Variants in TTC39B observed in about 807,000 individuals in gnomAD.
TTC39B encodes tetratricopeptide repeat domain 39B.
In TTC39B, 92 loss-of-function variants were observed where a neutral mutation model predicts 96.6. That is an observed-to-expected ratio of 0.95 (90% confidence interval 0.80 to 1.13). TTC39B has a LOEUF of 1.13. Ranked by LOEUF, TTC39B falls within the 50% of genes most tolerant of loss-of-function variation. The probability of loss-of-function intolerance (pLI) is 0.00; values close to 1 mark genes in which losing one functional copy is unlikely to be tolerated. For missense variants in TTC39B, 955 were observed against 809.3 expected (o/e 1.18, Z -2.18); for synonymous variants, 367 against 299.4 (o/e 1.23, Z -2.33).
At chr9:15,214,315 AGTGTGTGTGTGTGTGTGTGTGTGTGT>A in intron 3 of TTC39B, 66 bp from the exon 4 acceptor site, 1 of 729,130 alleles carries the variant, frequency 1.4e-6, no homozygotes, top group South Asian at 1.8e-5. Flanking sequence ...GTCCGAAGGG[AGTGTGTGTGTGTGTGTGTGTGTGTGT>A]GTGTGTCTGT....
chr9:15,279,311 G>A (rs1031536979), intron 1 of TTC39B, among the ~76,000 whole-genome samples: 1 of 152,190 alleles, frequency 6.6e-6, no homozygotes, highest in Non-Finnish European at 1.5e-5. Flanking sequence ...CAAAATAAAT[G>A]TCTCAAAAAG....
At chr9:15,277,747 C>T (rs1426174781) in intron 1 of TTC39B, among the ~76,000 whole-genome samples, 2 of 152,324 alleles carry the variant, frequency 1.3e-5, no homozygotes, top group East Asian at 3.9e-4. Flanking sequence ...AGACAGTGTT[C>T]GCCCATCACA....
At chr9:15,284,807 G>C (rs967631860) in intron 1 of TTC39B, among the ~76,000 whole-genome samples, 2 of 151,956 alleles carry the variant, frequency 1.3e-5, no homozygotes, top group African/African-American at 2.4e-5. Flanking sequence ...TTTACAGTGA[G>C]AATAATTTTA....
intron 1 of TTC39B, among the ~76,000 whole-genome samples, chr9:15,270,449 C>T (rs1480164331): frequency 6.6e-6 from 1 of 152,056 alleles, no homozygotes; most frequent in Non-Finnish European, 1.5e-5. Flanking sequence ...CTCCTGGGAG[C>T]CTTCTGTGCC....
At chr9:15,184,270 C>A (rs750125758) in intron 16 of TTC39B, among the ~76,000 whole-genome samples, 1 of 151,872 alleles carries the variant, frequency 6.6e-6, no homozygotes, top group African/African-American at 2.4e-5. Context: ...TATATATTCC[C>A]TTGAACCAGG....
intron 19 of TTC39B, 120 bp from the exon 20 acceptor site, chr9:15,172,229 T>C: frequency 1.9e-6 from 1 of 520,582 alleles, no homozygotes; most frequent in Non-Finnish European, 3.2e-6. Flanking sequence ...TACATAACCG[T>C]AGATCTTAGT....
intron 1 of TTC39B, among the ~76,000 whole-genome samples, chr9:15,287,945 C>CAAAAAAAAAAAAA (rs762069142): frequency 2.9e-5 from 2 of 68,952 alleles, no homozygotes; most frequent in Non-Finnish European, 2.6e-5. Context: ...GACTCCATCT[C>CAAAAAAAAAAAAA]AAAAAAAAAA....
chr9:15,234,196 G>A (rs903627354), intron 2 of TTC39B, among the ~76,000 whole-genome samples: 1 of 149,696 alleles, frequency 6.7e-6, no homozygotes, highest in Admixed American at 6.6e-5. Context: ...CCTCCATCCG[G>A]CAGCCACCCC....
intron 2 of TTC39B, among the ~76,000 whole-genome samples, chr9:15,248,520 C>T (rs1273140852): frequency 1.3e-5 from 2 of 152,138 alleles, no homozygotes; most frequent in East Asian, 1.9e-4. Context: ...AAAATATCTG[C>T]TCCATGAGGG....
chr9:15,175,534 A>G (rs1817886843), intron 18 of TTC39B, among the ~76,000 whole-genome samples: 1 of 152,234 alleles, frequency 6.6e-6, no homozygotes, highest in South Asian at 2.1e-4. Flanking sequence ...TTAAAGTCTT[A>G]TAATACTTTA....
intron 1 of TTC39B, among the ~76,000 whole-genome samples, chr9:15,304,652 T>TC (rs537958762): frequency 6.9e-4 from 94 of 136,174 alleles, no homozygotes; most frequent in South Asian, 2.8e-3. Flanking sequence ...TTCCCCAACC[T>TC]CCCCCCCGAC....
At chr9:15,246,452 C>T (rs1356068585) in intron 2 of TTC39B, among the ~76,000 whole-genome samples, 1 of 151,924 alleles carries the variant, frequency 6.6e-6, no homozygotes, top group Non-Finnish European at 1.5e-5. Flanking sequence ...GGACAGAGAC[C>T]AAAAATTTGG....
intron 8 of TTC39B, among the ~76,000 whole-genome samples, chr9:15,193,942 C>G (rs1819004458): frequency 1.3e-5 from 2 of 152,148 alleles, no homozygotes; most frequent in Non-Finnish European, 2.9e-5. Context: ...GGAGACATGA[C>G]AGCTAACCTC....
chr9:15,256,298 CACTTTACT>C (rs1822749474), intron 2 of TTC39B, among the ~76,000 whole-genome samples: 1 of 152,148 alleles, frequency 6.6e-6, no homozygotes, highest in East Asian at 1.9e-4. Flanking sequence ...AATCTGCTGC[CACTTTACT>C]CTTGGACCTT....
chr9:15,221,884 C>A (rs901322102), intron 3 of TTC39B, among the ~76,000 whole-genome samples: 2 of 152,122 alleles, frequency 1.3e-5, no homozygotes, highest in Admixed American at 1.3e-4. Flanking sequence ...TGCATTGTTA[C>A]ATATGGTAAC....
chr9:15,297,351 A>G (rs1345044675), intron 1 of TTC39B, among the ~76,000 whole-genome samples: 1 of 152,220 alleles, frequency 6.6e-6, no homozygotes, highest in Non-Finnish European at 1.5e-5. Flanking sequence ...CGTGTCGCCT[A>G]TGAGGAAAAC....
At chr9:15,184,227 G>A (rs1342740142) in intron 16 of TTC39B, among the ~76,000 whole-genome samples, 1 of 151,804 alleles carries the variant, frequency 6.6e-6, no homozygotes, top group African/African-American at 2.4e-5. Flanking sequence ...TTTTTTGAGG[G>A]GAATTTAACA....
chr9:15,262,502 C>A (rs573221237), intron 2 of TTC39B, among the ~76,000 whole-genome samples: 1 of 152,204 alleles, frequency 6.6e-6, no homozygotes, highest in East Asian at 1.9e-4. Flanking sequence ...GTATGACCTA[C>A]CAGTTTTATT....
chr9:15,198,461 AATATATATATAT>A (rs61517681), intron 8 of TTC39B, among the ~76,000 whole-genome samples: 4 of 117,362 alleles, frequency 3.4e-5, no homozygotes, highest in African/African-American at 1.2e-4. Context: ...CGGTCGCAAA[AATATATATATAT>A]ATATATATAT....
Sources: gnomAD v4.1 joint callset for allele counts (sites outside exome capture counted in the v4.1 genomes callset) on GRCh38, gnomAD v4.1.1 for gene constraint, MANE v1.5 for transcripts, NCBI Gene and HGNC (gene_info 2026-07-23, HGNC 2026-07-21) for gene names.